ALG6: variants seen among roughly 807,000 people sequenced by gnomAD.
ALG6 encodes the protein dolichyl pyrophosphate Man9GlcNAc2 alpha-1,3-glucosyltransferase.
A neutral mutation model predicts 66.6 loss-of-function variants in ALG6; 46 were observed. The observed-to-expected ratio is 0.69, with a 90% CI of 0.55 to 0.88. The LOEUF (loss-of-function observed/expected upper bound fraction) is 0.88, where lower values mean the gene tolerates loss of function less well. Among genes scored for constraint, ALG6 ranks in the 40% least tolerant of loss-of-function variants. ALG6 has a pLI of 0.00. For synonymous variants in ALG6, 185 were observed against 203.7 expected (o/e 0.91, Z 0.78); for missense variants, 505 against 586.8 (o/e 0.86, Z 1.44).
intron 7 of ALG6, among the ~76,000 whole-genome samples, chr1:63,410,906 C>A (rs1644512572): frequency 6.6e-6 from 1 of 152,048 alleles, no homozygotes; most frequent in Non-Finnish European, 1.5e-5. Context: ...AAATCAGTTG[C>A]TGCTTAGCAG....
intron 3 of ALG6, among the ~76,000 whole-genome samples, chr1:63,399,625 T>C (rs1490078092): frequency 6.6e-6 from 1 of 152,218 alleles, no homozygotes; most frequent in Non-Finnish European, 1.5e-5. Flanking sequence ...ATGTAAGTTA[T>C]TTCAACTATT....
chr1:63,436,106 C>A (rs1401962395), intron 14 of ALG6, among the ~76,000 whole-genome samples: 1 of 152,072 alleles, frequency 6.6e-6, no homozygotes, highest in East Asian at 1.9e-4. Context: ...TGTAATTTTC[C>A]ATTTGCCATG....
At chr1:63,413,489 T>C (rs1280491832) in intron 9 of ALG6, among the ~76,000 whole-genome samples, 8 of 152,174 alleles carry the variant, frequency 5.3e-5, no homozygotes, top group Admixed American at 4.6e-4. Context: ...TTTTTGATGT[T>C]AAGTCTGCAC....
intron 2 of ALG6, among the ~76,000 whole-genome samples, chr1:63,394,122 ATGT>A (rs1213453360): frequency 6.6e-6 from 1 of 152,246 alleles, no homozygotes; most frequent in Non-Finnish European, 1.5e-5. Context: ...ACTTCATGTA[ATGT>A]TGTAAAACTG....
chr1:63,415,885 G>A lies in ALG6; in HGVS notation c.915G>A (p.Thr305=), dbSNP rs112769742. ...HIQLIMSFCS[T]FLSLLPACIK... ...ATTAATTTTTTAGCTTTTGTTCTAC[G>A]TTTTTGAGCCTGCTTCCTGCATGCA... The change falls in exon 11 of 15, where the codon ACG becomes ACA. Residue 305 remains threonine, a synonymous_variant. Coordinates refer to ENST00000263440, the MANE Select transcript of ALG6 (RefSeq NM_013339.4). 118 of 1,608,858 alleles carry A rather than the reference G, an allele frequency of 7.3e-5. No individual in the cohort carries two copies. Among genetic ancestry groups the A allele is most frequent in the African/African-American group, 2.8e-4 (21 of 74,824 alleles).
intron 5 of ALG6, 134 bp downstream of exon 5, chr1:63,404,675 C>T: frequency 2.7e-6 from 2 of 741,804 alleles, no homozygotes; most frequent in Admixed American, 2.1e-5. Flanking sequence ...TACAAATATA[C>T]ATATTTGTAT....
chr1:63,371,085 A>G, intron 2 of ALG6, 26 bp downstream of exon 2: 1 of 1,543,956 alleles, frequency 6.5e-7, no homozygotes, highest in Non-Finnish European at 9.0e-7. Context: ...TGGTTAAAAA[A>G]AAAACGAAAT....
chr1:63,379,359 A>G (rs1371928809), intron 2 of ALG6, among the ~76,000 whole-genome samples: 1 of 152,168 alleles, frequency 6.6e-6, no homozygotes, highest in Non-Finnish European at 1.5e-5. Flanking sequence ...GGGCAAATGC[A>G]GGCATATGGT....
rs183043312 is a variant in ALG6, at chr1:63,422,847, C to T, written c.1058+3407C>T. ...ATGCATGCCTGTAATCCCAGCTACT[C>T]GGGAGGGTGAGGCAGGAGAATTGCT... On this transcript the variant is annotated intron_variant, in intron 12 of 14. Coordinates refer to ENST00000263440, the MANE Select transcript of ALG6 (RefSeq NM_013339.4). Among the ~76,000 whole-genome samples the T allele has an allele frequency of 5.9e-5, 9 of 151,796 alleles. No homozygotes were observed. The East Asian group carries it at 1.8e-3, about 30-fold the overall frequency.
intron 9 of ALG6, among the ~76,000 whole-genome samples, chr1:63,413,475 T>TA (rs1223413006): frequency 6.6e-6 from 1 of 152,218 alleles, no homozygotes; most frequent in Non-Finnish European, 1.5e-5. Flanking sequence ...CAGTGATAGT[T>TA]ACTTTTTTGA....
intron 2 of ALG6, among the ~76,000 whole-genome samples, chr1:63,393,377 G>A (rs1291894253): frequency 6.6e-6 from 1 of 152,014 alleles, no homozygotes; most frequent in African/African-American, 2.4e-5. Context: ...TGTTTTCTCT[G>A]GACACTGGAA....
chr1:63,375,199 TAA>T (rs36063786), intron 2 of ALG6, among the ~76,000 whole-genome samples: 49,269 of 149,780 alleles, frequency 0.33, 8,405 homozygotes, highest in Middle Eastern at 0.43. Context: ...GAGACTCCAT[TAA>T]AAAAAAAATG....
At chr1:63,405,877 G>T (rs868294816) in intron 5 of ALG6, among the ~76,000 whole-genome samples, 6 of 151,230 alleles carry the variant, frequency 4.0e-5, no homozygotes, top group Middle Eastern at 3.4e-3. Flanking sequence ...GGTTTCTCAA[G>T]CTCTTTATAT....
intron 12 of ALG6, chr1:63,428,472 G>T: frequency 3.3e-6 from 1 of 307,146 alleles, no homozygotes; most frequent in Non-Finnish European, 5.9e-6. Flanking sequence ...TTGTATGATA[G>T]AGAAAAAAAG....
At position 63,370,544 on chromosome 1, in the gene ALG6, C is replaced by G. The variant is rs1028131630; in HGVS notation, c.-207-227C>G. On this transcript the variant is annotated intron_variant, in intron 1 of 14. Coordinates refer to ENST00000263440, the MANE Select transcript of ALG6 (RefSeq NM_013339.4). ...ATTCCCTTGTGAGAGTAAATCTTTA[C>G]TATATCTTTAGATGTATTGAGTCCC... is the stretch of plus-strand genomic sequence containing the variant. Among the ~76,000 whole-genome samples the G allele has an allele frequency of 3.3e-5, 5 of 152,104 alleles. No homozygotes were observed. The South Asian group carries it at 8.3e-4, about 25-fold the overall frequency.
Position 63,433,006 on chromosome 1 carries a change from G to A in ALG6, c.1327-3817G>A, listed in dbSNP as rs1004287307. Among the ~76,000 whole-genome samples, 9 of 152,146 alleles carry A rather than the reference G, an allele frequency of 5.9e-5. No individual in the cohort carries two copies. Among genetic ancestry groups the A allele is most frequent in the South Asian group, 4.1e-4 (2 of 4,820 alleles). ...TGCCCAGGCTGGAGTGCAATGGCAC[G>A]AACTTGGCTCACTGCAACCTCAACC... On this transcript the variant is annotated intron_variant, in intron 14 of 14. Coordinates refer to ENST00000263440, the MANE Select transcript of ALG6 (RefSeq NM_013339.4). The surrounding 1 kb of genome is among the most constrained non-coding windows in gnomAD (Gnocchi z 4.2).
chr1:63,377,484 A>G (rs891179595), intron 2 of ALG6, among the ~76,000 whole-genome samples: 3 of 151,928 alleles, frequency 2.0e-5, no homozygotes, highest in African/African-American at 4.8e-5. Context: ...TGAAAGCTAT[A>G]TTTTTATTTT....
In ALG6 at chr1:63,436,842, C is replaced by G. The variant is rs552078516; in HGVS notation, c.1346C>G (p.Thr449Ser). The change falls in exon 15 of 15, where the codon ACT becomes AGT. Residue 449 changes from threonine to serine, a missense_variant. By Grantham distance (58) the Thr-to-Ser change is moderately conservative. Coordinates refer to ENST00000263440, the MANE Select transcript of ALG6 (RefSeq NM_013339.4). The stretch of plus-strand genomic sequence containing the variant: ...TTGCAGTTTCTTATCTCAGTCATCA[C>G]TATGGTGCTTCTGACGTTGATGACT... ...IQYLFLISVI[T>S]MVLLTLMTVT... 2 of 1,613,762 alleles carry G rather than the reference C, an allele frequency of 1.2e-6. No homozygotes were observed. The highest frequency in any genetic ancestry group is 2.2e-5 in the South Asian group (2 of 91,084).
chr1:63,381,137 C>T (rs979641602), intron 2 of ALG6, among the ~76,000 whole-genome samples: 3 of 151,100 alleles, frequency 2.0e-5, no homozygotes, highest in Admixed American at 6.6e-5. Flanking sequence ...CTGGGCAATA[C>T]GGGGAAACCT....
Sources: gnomAD v4.1 joint callset for allele counts (sites outside exome capture counted in the v4.1 genomes callset) on GRCh38, gnomAD v4.1.1 for gene constraint, Gnocchi (gnomAD v3.1) non-coding constraint, MANE v1.5 for transcripts, NCBI Gene and HGNC (gene_info 2026-07-23, HGNC 2026-07-21) for gene names.